The following CSMD1 variants were observed in gnomAD, a reference collection of about 807,000 sequenced individuals.
CSMD1 encodes the protein CUB and Sushi multiple domains 1, also known as CUB and sushi domain-containing protein 1.
CSMD1 carries 213 observed loss-of-function variants against 417.5 expected under a neutral mutation model. The ratio of observed to expected loss-of-function variants is 0.51; its 90% CI spans 0.46 to 0.57. The LOEUF is 0.57. Ranked by LOEUF, CSMD1 falls within the 20% of genes least tolerant of loss-of-function variation. The pLI is 0.00. For missense variants in CSMD1, 6,923 were observed against 4,529.7 expected, an observed-to-expected ratio of 1.53 and a Z score of -15.17; for synonymous variants, 2,862 against 1,736.8, an observed-to-expected ratio of 1.65 and a Z score of -16.11.
At chr8:4,662,568 G>T (rs958075294) in intron 1 of CSMD1, among the ~76,000 whole-genome samples, 5 of 152,170 alleles carry the variant, frequency 3.3e-5, no homozygotes, top group South Asian at 2.1e-4. Context: ...CTAATGTAAA[G>T]ATGTCATTCA....
rs184676935 is a variant in CSMD1 at position 4,389,302 on chromosome 8, A to G, written c.415+30651T>C. On this transcript the variant is annotated intron_variant, in intron 3 of 69. Coordinates refer to ENST00000635120, the MANE Select transcript of CSMD1 (RefSeq NM_033225.6). The stretch of plus-strand genomic sequence containing the variant: ...CAGGAGAATTAGAAAATGCGATCAT[A>G]TAACTATGTAATCCTTGTCATCCTT... 8.6e-4 allele frequency among the ~76,000 whole-genome samples: 131 copies of G among 152,324 alleles called. 3 individuals are homozygous for G. In the East Asian group the frequency reaches 8.9e-3, roughly 10 times the overall value.
intron 1 of CSMD1, among the ~76,000 whole-genome samples, chr8:4,716,115 C>T (rs531825091): frequency 6.6e-6 from 1 of 152,142 alleles, no homozygotes; most frequent in Non-Finnish European, 1.5e-5. Context: ...GGGAGACTCA[C>T]AGAGCTGTGA....
chr8:3,664,492 G>C (rs1430742958), intron 7 of CSMD1, among the ~76,000 whole-genome samples: 1 of 152,198 alleles, frequency 6.6e-6, no homozygotes, highest in East Asian at 1.9e-4. Flanking sequence ...ATCATGCATA[G>C]AATATGTAAA....
chr8:4,094,236 G>C (rs1239319473), intron 3 of CSMD1, among the ~76,000 whole-genome samples: 4 of 152,132 alleles, frequency 2.6e-5, no homozygotes, highest in African/African-American at 7.2e-5. Flanking sequence ...TCGTAACCTG[G>C]ACAAGTTGAC....
chr8:3,752,693 A>AAC (rs1554531820), intron 6 of CSMD1, among the ~76,000 whole-genome samples: 2 of 66,212 alleles, frequency 3.0e-5, no homozygotes, highest in East Asian at 7.9e-4. Context: ...AAAAAAAAAA[A>AAC]AAAAAAAAAA....
At chr8:3,199,481 C>A (rs548156162) in intron 33 of CSMD1, among the ~76,000 whole-genome samples, 1 of 152,078 alleles carries the variant, frequency 6.6e-6, no homozygotes, top group African/African-American at 2.4e-5. Flanking sequence ...CCTTCTAGTG[C>A]CTGATAAATT....
intron 60 of CSMD1, among the ~76,000 whole-genome samples, chr8:2,962,951 G>C (rs1232646509): frequency 1.3e-5 from 2 of 152,136 alleles, no homozygotes. Context: ...GGGAGGCTGA[G>C]GTGGGAGGAT....
chr8:4,647,921 G>C (rs1485821415), intron 1 of CSMD1, among the ~76,000 whole-genome samples: 4 of 152,070 alleles, frequency 2.6e-5, no homozygotes, highest in Non-Finnish European at 5.9e-5. Flanking sequence ...TATTCCTTTG[G>C]GTATATACCC....
chr8:3,979,395 G>T (rs552694707), intron 5 of CSMD1, among the ~76,000 whole-genome samples: 42 of 152,290 alleles, frequency 2.8e-4, no homozygotes, highest in South Asian at 1.2e-3. Context: ...CATCAGCGCA[G>T]CTACAGAGGC....
chr8:3,422,825 T>C (rs948822679), intron 12 of CSMD1, among the ~76,000 whole-genome samples: 1 of 152,162 alleles, frequency 6.6e-6, no homozygotes, highest in Admixed American at 6.5e-5. Flanking sequence ...ACTGGGAAGG[T>C]TGGTGTCTGA....
chr8:3,089,545 G>C (rs1295246099), intron 48 of CSMD1, among the ~76,000 whole-genome samples: 1 of 152,252 alleles, frequency 6.6e-6, no homozygotes, highest in South Asian at 2.1e-4. Flanking sequence ...GGGATGCAAC[G>C]TGTGGTCATG....
At chr8:3,452,032 A>G (rs1166276972) in intron 12 of CSMD1, among the ~76,000 whole-genome samples, 3 of 152,152 alleles carry the variant, frequency 2.0e-5, no homozygotes, top group Non-Finnish European at 4.4e-5. Context: ...GGTCCTTCAC[A>G]TCCCTTGTAA....
chr8:4,640,743 T>G (rs1033882298), intron 1 of CSMD1, among the ~76,000 whole-genome samples: 3 of 152,038 alleles, frequency 2.0e-5, no homozygotes, highest in Admixed American at 2.0e-4. Context: ...CCCTTGTAAG[T>G]ACCTTTGTAA....
chr8:3,700,216 C>T (rs1800780391), intron 7 of CSMD1, among the ~76,000 whole-genome samples: 1 of 152,142 alleles, frequency 6.6e-6, no homozygotes, highest in Non-Finnish European at 1.5e-5. Context: ...AGAGCTTACT[C>T]ATGTAACCAT....
intron 4 of CSMD1, among the ~76,000 whole-genome samples, chr8:3,998,397 T>C (rs377184896): frequency 5.9e-5 from 9 of 152,204 alleles, no homozygotes; most frequent in East Asian, 1.9e-4. Flanking sequence ...CTGACATTGA[T>C]AGGCAGCCTA....
intron 51 of CSMD1, among the ~76,000 whole-genome samples, chr8:3,024,899 T>G (rs1014024731): frequency 6.6e-6 from 1 of 152,248 alleles, no homozygotes; most frequent in Admixed American, 6.5e-5. Context: ...TTGTTCGTAC[T>G]GTTCCCTCCA....
intron 27 of CSMD1, among the ~76,000 whole-genome samples, chr8:3,225,921 T>C (rs1199316691): frequency 6.6e-6 from 1 of 152,208 alleles, no homozygotes; most frequent in Non-Finnish European, 1.5e-5. Flanking sequence ...CCAGAAGGAA[T>C]AGACAAAGAG....
intron 5 of CSMD1, among the ~76,000 whole-genome samples, chr8:3,977,462 G>A (rs2627444): frequency 0.58 from 88,660 of 151,906 alleles, 26,632 homozygotes; most frequent in East Asian, 0.74. Flanking sequence ...GGATGGCATT[G>A]GTGCGACTTA....
At chr8:4,018,308 T>G (rs1796619862) in intron 4 of CSMD1, among the ~76,000 whole-genome samples, 2 of 152,042 alleles carry the variant, frequency 1.3e-5, no homozygotes, top group Non-Finnish European at 2.9e-5. Context: ...TGTGGCCATT[T>G]TTATCAAGGC....
Sources: gnomAD v4.1 joint callset for allele counts (sites outside exome capture counted in the v4.1 genomes callset) on GRCh38, gnomAD v4.1.1 for gene constraint, MANE v1.5 for transcripts, NCBI Gene and HGNC (gene_info 2026-07-23, HGNC 2026-07-21) for gene names.